ZNF438: variants seen among roughly 807,000 people sequenced by gnomAD.
ZNF438 encodes zinc finger protein 438.
Under a neutral mutation model 38.0 loss-of-function variants are expected in ZNF438, and 25 were observed. That is an observed-to-expected ratio of 0.66 (90% CI 0.48 to 0.92). ZNF438 has a LOEUF of 0.92. ZNF438 is among the 40% of genes least tolerant of loss of function. The probability of loss-of-function intolerance (pLI) is 0.00; values close to 1 mark genes in which losing one functional copy is unlikely to be tolerated. For missense variants in ZNF438, 1,007 were observed against 999.6 expected (o/e 1.01, Z -0.10); for synonymous variants, 372 against 364.1 (o/e 1.02, Z -0.25).
At chr10:30,849,354 C>T (rs755380947) in exon 5 of ZNF438, 3 of 1,614,240 alleles carry the variant, frequency 1.9e-6, no homozygotes, top group Non-Finnish European at 1.7e-6. Flanking sequence ...TGCTGTGACA[C>T]TTGTGGAACA....
At chr10:30,992,562 G>A (rs541869291) in intron 1 of ZNF438, among the ~76,000 whole-genome samples, 11 of 152,180 alleles carry the variant, frequency 7.2e-5, no homozygotes, top group African/African-American at 1.2e-4. Flanking sequence ...ACAGGCATGC[G>A]CCACCAAGCC....
intron 2 of ZNF438, among the ~76,000 whole-genome samples, chr10:30,939,655 C>A (rs963883166): frequency 3.9e-4 from 46 of 117,198 alleles, no homozygotes; most frequent in Non-Finnish European, 2.0e-4. Flanking sequence ...AAAAGTCTCT[C>A]CTGTAACTAC....
Position 30,975,675 on chromosome 10 carries a change from G to A in ZNF438, c.-191-34024C>T, listed in dbSNP as rs1047521192. Among the ~76,000 whole-genome samples, 6 of 152,160 alleles carry A rather than the reference G, an allele frequency of 3.9e-5. No individual in the cohort carries two copies. The South Asian group carries it at 6.2e-4, about 16-fold the overall frequency. ...AGTCTAATGAGCAAAGAAATAGTTCGAATGTGGGCAACAGAAAAAATGAAA... is the reference window on the plus strand; with the variant it reads ...AGTCTAATGAGCAAAGAAATAGTTCAAATGTGGGCAACAGAAAAAATGAAA... On this transcript the variant is annotated intron_variant, in intron 1 of 5. Transcript: ENST00000413025.
chr10:31,013,138 C>T (rs1015008035), intron 1 of ZNF438, among the ~76,000 whole-genome samples: 14 of 152,056 alleles, frequency 9.2e-5, no homozygotes, highest in South Asian at 2.1e-4. Flanking sequence ...GCTAAAACGG[C>T]GAAACCCCGT....
chr10:30,855,870 G>A (rs1476071955), intron 4 of ZNF438, among the ~76,000 whole-genome samples: 1 of 152,158 alleles, frequency 6.6e-6, no homozygotes, highest in Non-Finnish European at 1.5e-5. Context: ...AAAGAAATCA[G>A]GATTATGGTG....
chr10:31,027,989 G>A (rs1465006356), intron 1 of ZNF438, among the ~76,000 whole-genome samples: 2 of 152,006 alleles, frequency 1.3e-5, no homozygotes, highest in African/African-American at 2.4e-5. Context: ...AACTGTTGAG[G>A]TTATGGTATG....
At chr10:30,956,611 A>G (rs965200331) in intron 1 of ZNF438, among the ~76,000 whole-genome samples, 3 of 152,160 alleles carry the variant, frequency 2.0e-5, no homozygotes, top group Admixed American at 1.3e-4. Flanking sequence ...TTCTACTTCT[A>G]TGAGATAAAC....
chr10:30,910,170 T>C (rs571520890), intron 2 of ZNF438, among the ~76,000 whole-genome samples: 1 of 152,114 alleles, frequency 6.6e-6, no homozygotes, highest in African/African-American at 2.4e-5. Context: ...CCTTGTGTAC[T>C]TGGTAAAGGG....
intron 2 of ZNF438, among the ~76,000 whole-genome samples, chr10:30,927,895 C>T (rs1357005532): frequency 1.3e-5 from 2 of 151,842 alleles, no homozygotes; most frequent in African/African-American, 4.8e-5. Flanking sequence ...TACAGAAATT[C>T]TCTACAAAAT....
chr10:31,013,187 C>T (rs1427667214), intron 1 of ZNF438, among the ~76,000 whole-genome samples: 1 of 152,116 alleles, frequency 6.6e-6, no homozygotes, highest in African/African-American at 2.4e-5. Context: ...CGCGCGGTGG[C>T]GGGCGCCTGT....
At chr10:30,957,631 C>T (rs56055711) in intron 1 of ZNF438, among the ~76,000 whole-genome samples, 12,069 of 152,128 alleles carry the variant, frequency 0.079, 573 homozygotes, top group Non-Finnish European at 0.11. Flanking sequence ...CCAATGTGTG[C>T]TCTTAGCATG....
intron 2 of ZNF438, among the ~76,000 whole-genome samples, chr10:30,924,354 G>C (rs1453333237): frequency 6.6e-6 from 1 of 152,180 alleles, no homozygotes; most frequent in East Asian, 1.9e-4. Flanking sequence ...TTACATACCA[G>C]GGAAGAAATG....
exon 5 of ZNF438, chr10:30,849,080 A>G (rs1199854699): frequency 1.9e-6 from 3 of 1,614,076 alleles, no homozygotes; most frequent in Non-Finnish European, 2.5e-6. Flanking sequence ...GGGTATGACC[A>G]TGATAGGTTT....
intron 3 of ZNF438, among the ~76,000 whole-genome samples, chr10:30,908,707 A>G (rs2042808510): frequency 6.6e-6 from 1 of 152,216 alleles, no homozygotes; most frequent in South Asian, 2.1e-4. Flanking sequence ...AAATGATGTT[A>G]TTTCAAACTA....
At chr10:30,920,449 GA>G (rs2044163158) in intron 2 of ZNF438, 1 of 152,196 alleles carries the variant, frequency 6.6e-6, no homozygotes, top group Non-Finnish European at 1.5e-5. Flanking sequence ...GTATTTTCTG[GA>G]TGTCCCTAAG....
At position 30,960,429 on chromosome 10, in the gene ZNF438, T is replaced by C. The variant is rs1197824421; in HGVS notation, c.-191-18778A>G. On this transcript the variant is annotated intron_variant, in intron 1 of 5. Coordinates refer to ENST00000413025, the Ensembl canonical transcript of ZNF438. ...CTCTTACATTTAGGCCCCTAATTCA[T>C]TGTCAGCTAATTTTTGTGTATTGTT... Among the ~76,000 whole-genome samples, 2 of 147,110 alleles carry C rather than the reference T, an allele frequency of 1.4e-5. 1 individual carries two copies. The highest frequency in any genetic ancestry group is 3.1e-5 in the Non-Finnish European group (2 of 64,882).
chr10:30,860,709 AT>A (rs1365379065), intron 4 of ZNF438, among the ~76,000 whole-genome samples: 3 of 152,186 alleles, frequency 2.0e-5, no homozygotes, highest in Non-Finnish European at 4.4e-5. Context: ...TGCTAATTGG[AT>A]TAACAATTCA....
At chr10:30,905,180 C>T (rs960218114) in intron 3 of ZNF438, among the ~76,000 whole-genome samples, 1 of 152,146 alleles carries the variant, frequency 6.6e-6, no homozygotes, top group Non-Finnish European at 1.5e-5. Context: ...TATGTTTAAC[C>T]TTTTGAGGAT....
At chr10:30,869,348 T>C (rs2037000828) in intron 4 of ZNF438, among the ~76,000 whole-genome samples, 1 of 150,898 alleles carries the variant, frequency 6.6e-6, no homozygotes, top group Admixed American at 6.6e-5. Flanking sequence ...CACTCCAGCC[T>C]GGACAACAAG....
Sources: allele counts gnomAD v4.1 joint callset (sites outside exome capture counted in the v4.1 genomes callset), GRCh38; gene constraint gnomAD v4.1.1; transcripts MANE v1.5; gene names NCBI Gene and HGNC (gene_info 2026-07-23, HGNC 2026-07-21).